The following PRDM6 variants were observed in gnomAD, a reference collection of about 807,000 sequenced individuals.
PRDM6 encodes the protein PR/SET domain 6, also known as putative histone-lysine N-methyltransferase PRDM6.
In PRDM6, 25 loss-of-function variants were observed where a neutral mutation model predicts 60.8. The ratio of observed to expected loss-of-function variants is 0.41; its 90% CI spans 0.30 to 0.57. The LOEUF (loss-of-function observed/expected upper bound fraction) is 0.57. Among genes scored for constraint, PRDM6 ranks in the 20% least tolerant of loss-of-function variants. PRDM6 has a pLI of 0.27. For missense variants in PRDM6, 839 were observed against 821.3 expected (o/e 1.02, Z -0.26); for synonymous variants, 407 against 357.4 (o/e 1.14, Z -1.57).
At chr5:123,105,010 A>T (rs1385230942) in intron 3 of PRDM6, among the ~76,000 whole-genome samples, 2 of 152,228 alleles carry the variant, frequency 1.3e-5, no homozygotes, top group African/African-American at 4.8e-5. Context: ...AGCCATTTGG[A>T]CATTCTCACA....
At position 123,189,238 on chromosome 5, in the gene PRDM6, A is replaced by G. The variant is rs1766356364; in HGVS notation, c.*2037A>G. On this transcript the variant is annotated 3_prime_UTR_variant, in exon 8 of 8. Coordinates refer to ENST00000407847, the MANE Select transcript of PRDM6 (RefSeq NM_001136239.4). ...GCCATATTAACCTGAAACCTGCAAG[A>G]AAAGGACAGATCAGCTTCACAGATG... The G allele has an allele frequency of 6.6e-6, 1 of 152,266 alleles. No homozygotes were observed. The highest frequency in any genetic ancestry group is 1.5e-5 in the Non-Finnish European group (1 of 68,048). The allele number at this position is 152,266 out of a possible 1,614,324, so 9.4% of individuals were successfully genotyped here.
chr5:123,182,482 CGGTTTCAGGGTCAAAAT>C (rs1766187706), intron 7 of PRDM6, among the ~76,000 whole-genome samples: 1 of 152,006 alleles, frequency 6.6e-6, no homozygotes, highest in African/African-American at 2.4e-5. Context: ...TTAATTGAAG[CGGTTTCAGGGTCAAAAT>C]GGGAAATAGA....
intron 3 of PRDM6, among the ~76,000 whole-genome samples, chr5:123,101,920 T>C (rs747188637): frequency 7.9e-5 from 12 of 152,236 alleles, no homozygotes; most frequent in Non-Finnish European, 1.6e-4. Flanking sequence ...TTTCTTTTTC[T>C]TGATACTTCA....
In PRDM6 at chr5:123,192,668, A is replaced by C. The variant is rs1311361542; in HGVS notation, c.*5467A>C. The C allele has an allele frequency of 6.6e-6, 1 of 152,226 alleles. No homozygotes were observed. Among genetic ancestry groups the C allele is most frequent in the Non-Finnish European group, 1.5e-5 (1 of 68,042 alleles). 9.4% of individuals were successfully genotyped at this position (152,226 alleles called of 1,614,324 possible). ...TACATTAGGACAAATGGCAACAGGC[A>C]GGAAGGGCAGGTTGTGTTGGAGGGT... is the stretch of plus-strand genomic sequence containing the variant. On this transcript the variant is annotated 3_prime_UTR_variant, in exon 8 of 8. Coordinates refer to ENST00000407847, the MANE Select transcript of PRDM6 (RefSeq NM_001136239.4).
chr5:123,104,533 T>C (rs191848393), intron 3 of PRDM6, among the ~76,000 whole-genome samples: 1 of 152,296 alleles, frequency 6.6e-6, no homozygotes, highest in Non-Finnish European at 1.5e-5. Context: ...TAGAATTATG[T>C]AGCTGTCGCA....
intron 5 of PRDM6, among the ~76,000 whole-genome samples, chr5:123,168,692 A>G (rs1318117618): frequency 6.6e-6 from 1 of 152,252 alleles, no homozygotes; most frequent in African/African-American, 2.4e-5. Flanking sequence ...ACTGCCAACT[A>G]GACAAACGCT....
At chr5:123,156,728 T>C (rs1004225378) in intron 4 of PRDM6, among the ~76,000 whole-genome samples, 2 of 152,184 alleles carry the variant, frequency 1.3e-5, no homozygotes, top group Non-Finnish European at 2.9e-5. Context: ...TCTGGGGAGC[T>C]GAGAAGCAGG....
At chr5:123,113,099 C>A (rs115730274) in intron 3 of PRDM6, among the ~76,000 whole-genome samples, 1,843 of 152,070 alleles carry the variant, frequency 0.012, 21 homozygotes, top group African/African-American at 0.038. Flanking sequence ...ATATCCCTTC[C>A]CCACTAGTTT....
intron 3 of PRDM6, among the ~76,000 whole-genome samples, chr5:123,102,395 C>T (rs1764123573): frequency 6.6e-6 from 1 of 151,850 alleles, no homozygotes; most frequent in Non-Finnish European, 1.5e-5. Flanking sequence ...ATACAATATT[C>T]CAAATGTTAG....
chr5:123,185,677 C>A (rs1766271559), intron 7 of PRDM6, among the ~76,000 whole-genome samples: 1 of 152,210 alleles, frequency 6.6e-6, no homozygotes, highest in Non-Finnish European at 1.5e-5. Flanking sequence ...CTGACACACT[C>A]CGCTGGTGCA....
chr5:123,178,978 C>T (rs1766078535), intron 6 of PRDM6, among the ~76,000 whole-genome samples: 1 of 152,200 alleles, frequency 6.6e-6, no homozygotes, highest in South Asian at 2.1e-4. Flanking sequence ...TAAGCCAGGG[C>T]TTAGTGAATG....
chr5:123,111,622 C>T (rs1764314291), intron 3 of PRDM6, among the ~76,000 whole-genome samples: 1 of 151,242 alleles, frequency 6.6e-6, no homozygotes, highest in Non-Finnish European at 1.5e-5. Context: ...GGCGTGAACC[C>T]GGGGGGCGGA....
intron 3 of PRDM6, among the ~76,000 whole-genome samples, chr5:123,107,011 T>A (rs1764210733): frequency 6.6e-6 from 1 of 152,194 alleles, no homozygotes; most frequent in Non-Finnish European, 1.5e-5. Context: ...AGGTGGACTT[T>A]TCAAGGAATC....
intron 3 of PRDM6, among the ~76,000 whole-genome samples, chr5:123,125,375 C>T (rs959940909): frequency 4.4e-5 from 3 of 68,704 alleles, no homozygotes; most frequent in African/African-American, 1.3e-4. Context: ...GTAGCAAACA[C>T]CCCAAAGCAT....
chr5:123,091,486 A>G (rs1473949635), intron 2 of PRDM6, among the ~76,000 whole-genome samples: 1 of 152,238 alleles, frequency 6.6e-6, no homozygotes, highest in Non-Finnish European at 1.5e-5. Context: ...TTCGGTTTCT[A>G]TATTCACAAT....
Position 123,159,580 on chromosome 5 carries a change from T to A in PRDM6, c.1095T>A (p.Asn365Lys), listed in dbSNP as rs1299394057. ...PRGTELLVWY[N>K]DSYTSFFGIP... ...GCACCGAGCTTCTGGTGTGGTACAA[T>A]GACAGCTATACGTCTTTCTTTGGGA... The change falls in exon 5 of 8, where the codon AAT becomes AAA. Residue 365 changes from asparagine (N) to lysine (K), a missense_variant. Asn to Lys is a moderately conservative substitution (Grantham distance 94). Transcript: ENST00000407847. The A allele has an allele frequency of 3.2e-6, 5 of 1,551,456 alleles. No homozygotes were observed. Among genetic ancestry groups the A allele is most frequent in the Non-Finnish European group, 4.4e-6 (5 of 1,146,798 alleles).
chr5:123,177,490 C>A (rs1315588489), intron 6 of PRDM6, among the ~76,000 whole-genome samples: 1 of 152,146 alleles, frequency 6.6e-6, no homozygotes, highest in African/African-American at 2.4e-5. Flanking sequence ...AGGAATATTG[C>A]TTTGCTTTTA....
At chr5:123,135,798 C>T (rs1764938442) in intron 3 of PRDM6, among the ~76,000 whole-genome samples, 1 of 152,134 alleles carries the variant, frequency 6.6e-6, no homozygotes, top group Non-Finnish European at 1.5e-5. Flanking sequence ...TATTCATACA[C>T]ATTTATTCTC....
intron 5 of PRDM6, among the ~76,000 whole-genome samples, chr5:123,167,580 G>T (rs553825968): frequency 1.3e-5 from 2 of 151,880 alleles, no homozygotes; most frequent in African/African-American, 4.8e-5. Context: ...GTAGAGACAG[G>T]GTTTCTCCAT....
Sources: allele counts gnomAD v4.1 joint callset (sites outside exome capture counted in the v4.1 genomes callset), GRCh38; gene constraint gnomAD v4.1.1; transcripts MANE v1.5; gene names NCBI Gene and HGNC (gene_info 2026-07-23, HGNC 2026-07-21).